Variants in EIF3F observed in about 807,000 individuals in gnomAD.
The protein encoded by EIF3F is deubiquitinating enzyme eIF3f.
Under a neutral mutation model 36.0 loss-of-function variants are expected in EIF3F, and 8 were observed. The ratio of observed to expected loss-of-function variants is 0.22; its 90% CI spans 0.13 to 0.40. The LOEUF (loss-of-function observed/expected upper bound fraction) is 0.40. Among genes scored for constraint, EIF3F ranks in the 10% least tolerant of loss-of-function variants. EIF3F has a pLI of 1.00. For synonymous variants in EIF3F, 184 were observed against 188.5 expected, an observed-to-expected ratio of 0.98 and a Z score of 0.19; for missense variants, 430 against 467.6, an observed-to-expected ratio of 0.92 and a Z score of 0.74.
chr11:7,991,743 A>G lies in EIF3F; in HGVS notation c.365-38A>G, dbSNP rs566813170. 2.0e-4 allele frequency: 321 copies of G among 1,607,282 alleles called. 3 individuals carry two copies. The South Asian group carries it at 3.1e-3, about 15-fold the overall frequency. The stretch of plus-strand genomic sequence containing the variant: ...GTAGTCAGAGGTTGTTGGGAGCCCT[A>G]GGATTATATAACACATGGACGATTC... On this transcript the variant is annotated intron_variant, in intron 1 of 7. Coordinates refer to ENST00000651655, the MANE Select transcript of EIF3F (RefSeq NM_003754.3).
In EIF3F at chr11:8,001,131, A is replaced by G. The variant is rs992607386; in HGVS notation, c.*5109A>G. On this transcript the variant is annotated 3_prime_UTR_variant, in exon 8 of 8. Transcript: ENST00000651655. ...ATGACCAGACAGCTCACACACAGACACACAAATGTGAAAAGATGCTTGATC... is the reference window on the plus strand; with the variant it reads ...ATGACCAGACAGCTCACACACAGACGCACAAATGTGAAAAGATGCTTGATC... 4.6e-5 allele frequency: 7 copies of G among 152,212 alleles called. No individual in the cohort carries two copies. The highest frequency in any genetic ancestry group is 1.7e-4 in the African/African-American group (7 of 41,452). 9.4% of individuals were successfully genotyped at this position (152,212 alleles called of 1,614,324 possible).
rs917004101 is a variant in EIF3F, at chr11:7,996,410, T to C, written c.*388T>C. ...AAAATAAGAATCCATGGAGAAAAAA[T>C]AGCTAAGAAAATTGGATGCTTAATC... On this transcript the variant is annotated 3_prime_UTR_variant, in exon 8 of 8. Coordinates refer to ENST00000651655, the MANE Select transcript of EIF3F (RefSeq NM_003754.3). The C allele has an allele frequency of 1.0e-4, 18 of 176,004 alleles. No individual in the cohort carries two copies. The highest frequency in any genetic ancestry group is 3.6e-4 in the African/African-American group (15 of 42,034). 10.9% of individuals were successfully genotyped at this position (176,004 alleles called of 1,614,324 possible).
rs1298620215 is a variant in EIF3F at position 7,996,101 on chromosome 11, G to T, written c.*79G>T. 1 of 1,322,450 alleles carries T rather than the reference G, an allele frequency of 7.6e-7. No homozygotes were observed. Among genetic ancestry groups the T allele is most frequent in the African/African-American group, 1.4e-5 (1 of 69,124 alleles). The allele number at this position is 1,322,450 out of a possible 1,614,324, so 81.9% of individuals were successfully genotyped here. On this transcript the variant is annotated 3_prime_UTR_variant, in exon 8 of 8. Transcript: ENST00000651655. ...AGTGAAGGAGAAATGGGTTTTTTGT[G>T]GTCTTGAGTCACACTGAGATAGTCA...
chr11:7,993,311 CAGCCA>C (rs1942119491), intron 4 of EIF3F, among the ~76,000 whole-genome samples: 1 of 152,220 alleles, frequency 6.6e-6, no homozygotes, highest in African/African-American at 2.4e-5. Context: ...ATAGTTCCTA[CAGCCA>C]ATCATCACAT....
chr11:7,994,213 G>GC (rs777271980), intron 4 of EIF3F, among the ~76,000 whole-genome samples: 6 of 152,138 alleles, frequency 3.9e-5, no homozygotes, highest in Admixed American at 1.3e-4. Context: ...AAATGCAAAG[G>GC]CCCCCCTTAC....
At chr11:7,990,802 A>G (rs1675495269) in intron 1 of EIF3F, among the ~76,000 whole-genome samples, 1 of 152,046 alleles carries the variant, frequency 6.6e-6, no homozygotes, top group South Asian at 2.1e-4. Flanking sequence ...GGAGGTTCCA[A>G]TAGATTAGAA....
Position 8,000,245 on chromosome 11 carries a change from ATTAACC to A in EIF3F, c.*4228_*4233del. The A allele has an allele frequency of 6.6e-6, 1 of 152,248 alleles. No homozygotes were observed. Among genetic ancestry groups the A allele is most frequent in the East Asian group, 1.9e-4 (1 of 5,180 alleles). 9.4% of individuals were successfully genotyped at this position (152,248 alleles called of 1,614,324 possible). ...AGGTACATCTACACAATGGAATATT[ATTAACC>A]TTAAAAGAAGGAAATAACTGATTTA... is the stretch of plus-strand genomic sequence containing the variant. On this transcript the variant is annotated 3_prime_UTR_variant, in exon 8 of 8. Coordinates refer to ENST00000651655, the MANE Select transcript of EIF3F (RefSeq NM_003754.3).
At chr11:7,991,710 T>C (rs570530739) in intron 1 of EIF3F, 71 bp from the exon 2 acceptor site, 1 of 1,453,212 alleles carries the variant, frequency 6.9e-7, no homozygotes, top group South Asian at 1.1e-5. Context: ...ATCAAAAGCA[T>C]TTCAAAAGTA....
intron 1 of EIF3F, among the ~76,000 whole-genome samples, chr11:7,990,595 A>T (rs78805416): frequency 0.078 from 11,873 of 152,274 alleles, 606 homozygotes; most frequent in Non-Finnish European, 0.11. Context: ...AAGTTTTAAG[A>T]TGGGAAGTAA....
intron 1 of EIF3F, among the ~76,000 whole-genome samples, chr11:7,989,790 A>G: frequency 6.6e-6 from 1 of 152,236 alleles, no homozygotes; most frequent in East Asian, 1.9e-4. Context: ...AGCAACTACA[A>G]GAAGTATAAA....
At chr11:7,994,771 G>A (rs1308016826) in intron 5 of EIF3F, 2 of 742,956 alleles carry the variant, frequency 2.7e-6, no homozygotes, top group African/African-American at 1.8e-5. Context: ...CCGGTGATGA[G>A]CATACCAGGT....
chr11:7,993,170 T>C, intron 4 of EIF3F, 146 bp downstream of exon 4: 1 of 962,420 alleles, frequency 1.0e-6, no homozygotes, highest in African/African-American at 1.7e-5. Context: ...ATTCTAAAGG[T>C]TTCACTCTGA....
At chr11:7,991,875 C>G in intron 2 of EIF3F, 24 bp downstream of exon 2, 1 of 1,613,960 alleles carries the variant, frequency 6.2e-7, no homozygotes, top group Non-Finnish European at 8.5e-7. Flanking sequence ...CAAGCTGTCC[C>G]TCTGCAGTTT....
intron 1 of EIF3F, among the ~76,000 whole-genome samples, chr11:7,988,850 G>A (rs1942058142): frequency 6.6e-6 from 1 of 152,146 alleles, no homozygotes; most frequent in Admixed American, 6.5e-5. Context: ...GACTATGCTG[G>A]CACACATTAG....
intron 1 of EIF3F, among the ~76,000 whole-genome samples, chr11:7,988,925 T>C (rs1942058990): frequency 1.3e-5 from 2 of 152,224 alleles, no homozygotes; most frequent in South Asian, 4.1e-4. Flanking sequence ...ACACACATTT[T>C]CTCTCCTTTA....
chr11:7,988,920 C>T (rs1289339839), intron 1 of EIF3F, among the ~76,000 whole-genome samples: 1 of 152,240 alleles, frequency 6.6e-6, no homozygotes, highest in Non-Finnish European at 1.5e-5. Flanking sequence ...TACAGACACA[C>T]ATTTTCTCTC....
intron 4 of EIF3F, among the ~76,000 whole-genome samples, chr11:7,993,599 T>G (rs10839960): frequency 0.33 from 49,943 of 152,074 alleles, 8,393 homozygotes; most frequent in Middle Eastern, 0.49. Flanking sequence ...GCAGCTGTGG[T>G]AGTTGGAAAG....
chr11:8,001,632 A>G lies in EIF3F; in HGVS notation c.*5610A>G, dbSNP rs1490696597. On this transcript the variant is annotated 3_prime_UTR_variant, in exon 8 of 8. Transcript: ENST00000651655. ...GCCAGGAGAGAATGTTGTCTATAAT[A>G]TGCTGTTGTTGTGTACGGGAAAATA... 6.6e-6 allele frequency: 1 copy of G among 152,182 alleles called. No individual in the cohort carries two copies. Among genetic ancestry groups the G allele is most frequent in the East Asian group, 1.9e-4 (1 of 5,202 alleles). 9.4% of individuals were successfully genotyped at this position (152,182 alleles called of 1,614,324 possible).
In EIF3F at chr11:7,996,140, C is replaced by G; in HGVS notation, c.*118C>G. ...CTGAGATAGTCAGTTGTGTGTGACT[C>G]TAATAAACGGAGCCTACCTTTTGTA... On this transcript the variant is annotated 3_prime_UTR_variant, in exon 8 of 8. Coordinates refer to ENST00000651655, the MANE Select transcript of EIF3F (RefSeq NM_003754.3). 2.4e-6 allele frequency: 2 copies of G among 849,552 alleles called. No homozygotes were observed. Among genetic ancestry groups the G allele is most frequent in the Non-Finnish European group, 3.9e-6 (2 of 518,440 alleles). 52.6% of individuals were successfully genotyped at this position (849,552 alleles called of 1,614,324 possible). A position where few individuals can be genotyped will look rare whatever the true frequency, so the allele number is the denominator to read the frequency against.
Sources: gnomAD v4.1 joint callset for allele counts (sites outside exome capture counted in the v4.1 genomes callset) on GRCh38, gnomAD v4.1.1 for gene constraint, MANE v1.5 for transcripts, NCBI Gene and HGNC (gene_info 2026-07-23, HGNC 2026-07-21) for gene names.